PALMD: variants seen among roughly 807,000 people sequenced by gnomAD.
PALMD encodes palmdelphin.
A neutral mutation model predicts 56.2 loss-of-function variants in PALMD; 42 were observed. The ratio of observed to expected loss-of-function variants is 0.75; its 90% confidence interval spans 0.58 to 0.97. PALMD has a LOEUF of 0.97. PALMD is among the 50% of genes least tolerant of loss of function. The probability of loss-of-function intolerance (pLI) is 0.00; values close to 1 mark genes in which losing one functional copy is unlikely to be tolerated. For synonymous variants in PALMD, 242 were observed against 222.9 expected (o/e 1.09, Z -0.76); for missense variants, 660 against 643.8 (o/e 1.03, Z -0.27).
At chr1:99,648,347 C>T (rs567963444) in intron 1 of PALMD, among the ~76,000 whole-genome samples, 68 of 152,272 alleles carry the variant, frequency 4.5e-4, no homozygotes, top group South Asian at 8.3e-4. Context: ...CCCTCTTGGA[C>T]GCCCTGGGAC....
intron 1 of PALMD, among the ~76,000 whole-genome samples, chr1:99,652,694 G>GGAAAAGAAAAGAAAAGAAAAGAAAA (rs1226790564): frequency 1.3e-3 from 108 of 86,392 alleles, no homozygotes; most frequent in East Asian, 6.0e-3. Flanking sequence ...GGAAAGGAAA[G>GGAAAAGAAAAGAAAAGAAAAGAAAA]GAAAAGAAAA....
chr1:99,682,031 G>A (rs113435275), intron 3 of PALMD, among the ~76,000 whole-genome samples: 2,467 of 152,310 alleles, frequency 0.016, 63 homozygotes, highest in African/African-American at 0.056. Flanking sequence ...GGAGGAGGTT[G>A]CGGGGGTTCT....
chr1:99,670,383 G>A (rs889912639), intron 3 of PALMD, among the ~76,000 whole-genome samples: 32 of 152,064 alleles, frequency 2.1e-4, no homozygotes, highest in African/African-American at 5.3e-4. Flanking sequence ...TTAAGTCATC[G>A]AAAACAACAA....
At position 99,694,177 on chromosome 1, in the gene PALMD, T is replaced by A; in HGVS notation, c.*115T>A. On this transcript the variant is annotated 3_prime_UTR_variant, in exon 8 of 8. Transcript: ENST00000263174. ...GAAGTCCAAAAAATTATCATTACAGTGTACCATATTAAGCCATGTGAATAA... is the reference window on the plus strand; with the variant it reads ...GAAGTCCAAAAAATTATCATTACAGAGTACCATATTAAGCCATGTGAATAA... 1.5e-6 allele frequency: 1 copy of A among 685,502 alleles called. No individual in the cohort carries two copies. Among genetic ancestry groups the A allele is most frequent in the East Asian group, 2.8e-5 (1 of 36,096 alleles). The allele number at this position is 685,502 out of a possible 1,614,324, so 42.5% of individuals were successfully genotyped here.
chr1:99,655,167 A>T (rs1652690434), intron 1 of PALMD, among the ~76,000 whole-genome samples: 3 of 152,146 alleles, frequency 2.0e-5, no homozygotes, highest in South Asian at 4.1e-4. Context: ...AAAACTTCAG[A>T]TACATAGTTA....
rs1652441077 is a variant in PALMD, at chr1:99,646,221, T to C, written c.-97T>C. On this transcript the variant is annotated 5_prime_UTR_variant, in exon 1 of 8. Coordinates refer to ENST00000263174, the MANE Select transcript of PALMD (RefSeq NM_017734.5). ...GTGCAAAGAGCGGATTTCTCCCTGC[T>C]TCTCTTCTGTCACCCCCGCTCCTCT... 1 of 935,516 alleles carries C rather than the reference T, an allele frequency of 1.1e-6. No individual in the cohort carries two copies. The highest frequency in any genetic ancestry group is 2.4e-5 in the East Asian group (1 of 41,660). The allele number at this position is 935,516 out of a possible 1,614,324, so 58.0% of individuals were successfully genotyped here.
intron 3 of PALMD, among the ~76,000 whole-genome samples, chr1:99,682,808 C>T (rs1301619718): frequency 2.0e-5 from 3 of 151,710 alleles, no homozygotes; most frequent in African/African-American, 7.3e-5. Flanking sequence ...GAGTTTGAGA[C>T]CAGCCTGGTC....
At chr1:99,683,054 A>AAGAAAGAAAG (rs1653392876) in intron 3 of PALMD, among the ~76,000 whole-genome samples, 1 of 26,310 alleles carries the variant, frequency 3.8e-5, no homozygotes, top group South Asian at 1.4e-3. Context: ...GAAAGAAAGA[A>AAGAAAGAAAG]AGAGAGAGAG....
intron 3 of PALMD, among the ~76,000 whole-genome samples, chr1:99,676,212 G>C (rs1054686414): frequency 6.6e-5 from 10 of 152,182 alleles, no homozygotes; most frequent in Admixed American, 1.3e-4. Context: ...CCACTAGCAT[G>C]TGACAGTTTG....
At chr1:99,648,938 C>T (rs1293978024) in intron 1 of PALMD, among the ~76,000 whole-genome samples, 1 of 149,090 alleles carries the variant, frequency 6.7e-6, no homozygotes, top group African/African-American at 2.5e-5. Flanking sequence ...AAATGTGACA[C>T]TTAGGCTCTC....
chr1:99,692,633 G>A (rs1284400206), intron 7 of PALMD, among the ~76,000 whole-genome samples: 1 of 152,072 alleles, frequency 6.6e-6, no homozygotes, highest in Non-Finnish European at 1.5e-5. Flanking sequence ...CCTGATTTAC[G>A]GAATCTTACA....
In PALMD at chr1:99,688,861, G is replaced by A; in HGVS notation, c.601G>A (p.Asp201Asn). The A allele has an allele frequency of 6.2e-7, 1 of 1,613,238 alleles. No homozygotes were observed. Among genetic ancestry groups the A allele is most frequent in the South Asian group, 1.1e-5 (1 of 91,030 alleles). ...VLSSIPLPSD[D>N]FKGTGIKVYD... ...GTCTTCAATACCTCTGCCATCAGAT[G>A]ACTTTAAAGGTACAGGAATAAAAGT... The change falls in exon 7 of 8, where the codon GAC becomes AAC. Residue 201 changes from aspartate to asparagine, a missense_variant. Transcript: ENST00000263174.
chr1:99,684,321 TAA>T (rs1653438222), intron 3 of PALMD: 2 of 152,140 alleles, frequency 1.3e-5, no homozygotes, highest in South Asian at 4.1e-4. Context: ...CTGCAAAACC[TAA>T]AATATTTGGC....
At chr1:99,653,660 G>A (rs989150483) in intron 1 of PALMD, among the ~76,000 whole-genome samples, 1 of 151,986 alleles carries the variant, frequency 6.6e-6, no homozygotes, top group African/African-American at 2.4e-5. Context: ...CTTTATCCAC[G>A]TCCTCACTCT....
chr1:99,679,968 A>G (rs1257120625), intron 3 of PALMD, among the ~76,000 whole-genome samples: 1 of 152,208 alleles, frequency 6.6e-6, no homozygotes, highest in East Asian at 1.9e-4. Context: ...GTTAAATGTT[A>G]TAAATGCTAA....
At chr1:99,647,590 G>C (rs990134470) in intron 1 of PALMD, among the ~76,000 whole-genome samples, 4 of 152,088 alleles carry the variant, frequency 2.6e-5, no homozygotes, top group Non-Finnish European at 5.9e-5. Context: ...TGTTTGTTTT[G>C]TTTTGTCCTT....
rs1214587046 is a variant in PALMD, at chr1:99,662,343, A to G, written c.70A>G (p.Ile24Val). 1 of 1,568,456 alleles carries G rather than the reference A, an allele frequency of 6.4e-7. No homozygotes were observed. The highest frequency in any genetic ancestry group is 1.2e-5 in the South Asian group (1 of 86,886). Residue 24 changes from isoleucine to valine, a missense_variant, in exon 2 of 8, where the codon ATC becomes GTC. Physicochemically the swap from Ile to Val is conservative, Grantham distance 29. Coordinates refer to ENST00000263174, the MANE Select transcript of PALMD (RefSeq NM_017734.5). ...GGATAAAAGAAAAATACAGGAAGAA[A>G]TCTCACAGAAGCGTCTGAAAATAGA... Reference protein sequence around the residue: ...ITDKRKIQEEISQKRLKIEED... With the variant: ...ITDKRKIQEEVSQKRLKIEED...
intron 3 of PALMD, among the ~76,000 whole-genome samples, chr1:99,683,084 GAGAGAGAAAGAA>G (rs1403557450): frequency 6.5e-3 from 101 of 15,524 alleles, no homozygotes; most frequent in South Asian, 8.9e-3. Flanking sequence ...GAGAGAGAGA[GAGAGAGAAAGAA>G]AGAAAGAAAG....
At chr1:99,683,088 G>GAGAAAGAA (rs1217087610) in intron 3 of PALMD, among the ~76,000 whole-genome samples, 1 of 27,208 alleles carries the variant, frequency 3.7e-5, no homozygotes, top group Non-Finnish European at 6.1e-5. Context: ...GAGAGAGAGA[G>GAGAAAGAA]AGAAAGAAAG....
Sources: allele counts gnomAD v4.1 joint callset (sites outside exome capture counted in the v4.1 genomes callset), GRCh38; gene constraint gnomAD v4.1.1; transcripts MANE v1.5; gene names NCBI Gene and HGNC (gene_info 2026-07-23, HGNC 2026-07-21).